Variants in TOM1L1 observed in about 807,000 individuals in gnomAD.
TOM1L1 encodes the protein TOM1-like protein 1.
TOM1L1 carries 64 observed loss-of-function variants against 63.4 expected under a neutral mutation model. That is an observed-to-expected ratio of 1.01 (90% CI 0.83 to 1.24). The LOEUF (loss-of-function observed/expected upper bound fraction) is 1.24, where lower values mean the gene tolerates loss of function less well. Among genes scored for constraint, TOM1L1 ranks in the 50% most tolerant of loss-of-function variants. The pLI is 0.00. For missense variants in TOM1L1, 536 were observed against 567.0 expected (o/e 0.95, Z 0.55); for synonymous variants, 166 against 194.4 (o/e 0.85, Z 1.22).
intron 7 of TOM1L1, chr17:54,916,088 A>G (rs757830087): frequency 3.4e-4 from 166 of 488,212 alleles, no homozygotes; most frequent in Admixed American, 5.4e-4. Flanking sequence ...AATTTATTAT[A>G]AGTTATAACC....
intron 6 of TOM1L1, 37 bp from the exon 7 acceptor site, chr17:54,915,709 G>T (rs749961406): frequency 4.2e-6 from 6 of 1,437,330 alleles, no homozygotes; most frequent in South Asian, 1.4e-5. Context: ...TATTCTTTGT[G>T]TGTCGCACTG....
At chr17:54,955,613 G>A (rs2049460479) in intron 14 of TOM1L1, among the ~76,000 whole-genome samples, 1 of 151,968 alleles carries the variant, frequency 6.6e-6, no homozygotes, top group Non-Finnish European at 1.5e-5. Context: ...ACCACGTAGG[G>A]AACAAAGCCT....
chr17:54,960,218 A>G (rs1004361294), intron 14 of TOM1L1, among the ~76,000 whole-genome samples: 1 of 152,044 alleles, frequency 6.6e-6, no homozygotes, highest in African/African-American at 2.4e-5. Context: ...CAAAAAAATT[A>G]GCTGGGCATG....
chr17:54,902,957 T>C (rs1219918008), intron 1 of TOM1L1, among the ~76,000 whole-genome samples: 2 of 152,218 alleles, frequency 1.3e-5, no homozygotes, highest in African/African-American at 2.4e-5. Flanking sequence ...CAGTTTGAAA[T>C]AATTAAGGCT....
chr17:54,912,054 AT>A (rs1406986066), intron 3 of TOM1L1, among the ~76,000 whole-genome samples: 1 of 151,952 alleles, frequency 6.6e-6, no homozygotes, highest in African/African-American at 2.4e-5. Flanking sequence ...TAACTTACCC[AT>A]TTTTCCACAT....
intron 3 of TOM1L1, among the ~76,000 whole-genome samples, chr17:54,908,814 C>T (rs1433453255): frequency 6.6e-6 from 1 of 152,224 alleles, no homozygotes; most frequent in African/African-American, 2.4e-5. Flanking sequence ...AGTGGTCGAA[C>T]AGGTTCCTGA....
intron 14 of TOM1L1, among the ~76,000 whole-genome samples, chr17:54,950,900 G>A (rs2049215070): frequency 6.6e-6 from 1 of 152,148 alleles, no homozygotes; most frequent in Admixed American, 6.5e-5. Context: ...GACTTCTGTG[G>A]CCCCCAAATA....
intron 3 of TOM1L1, among the ~76,000 whole-genome samples, chr17:54,908,770 C>T (rs2048451367): frequency 1.3e-5 from 2 of 152,124 alleles, no homozygotes; most frequent in African/African-American, 4.8e-5. Flanking sequence ...TGTGATAAAT[C>T]TCAGCAAGAG....
chr17:54,957,342 T>C (rs187055905), intron 14 of TOM1L1: 1 of 152,248 alleles, frequency 6.6e-6, no homozygotes, highest in African/African-American at 2.4e-5. Context: ...TTCTGCCTGA[T>C]AGAGTAGATA....
chr17:54,911,007 G>A (rs1191161213), intron 3 of TOM1L1, among the ~76,000 whole-genome samples: 1 of 152,152 alleles, frequency 6.6e-6, no homozygotes, highest in Non-Finnish European at 1.5e-5. Context: ...CTAATTTGAG[G>A]TGGTAGCATG....
rs536953667 is a variant in TOM1L1, at chr17:54,915,015, A to G, written c.603+272A>G. 3.3e-5 allele frequency among the ~76,000 whole-genome samples: 5 copies of G among 152,274 alleles called. No homozygotes were observed. The South Asian group carries it at 1.0e-3, about 32-fold the overall frequency. ...TGGCTTTCTGGAGCCTTGACTGTGGACTGGATCTAGGGTCCATCAGCTAAT... is the reference window on the plus strand; with the variant it reads ...TGGCTTTCTGGAGCCTTGACTGTGGGCTGGATCTAGGGTCCATCAGCTAAT... On this transcript the variant is annotated intron_variant, in intron 6 of 15. Transcript: ENST00000575882.
At chr17:54,928,327 C>G (rs553409579) in intron 7 of TOM1L1, among the ~76,000 whole-genome samples, 1 of 150,872 alleles carries the variant, frequency 6.6e-6, no homozygotes, top group Non-Finnish European at 1.5e-5. Context: ...AACAACCTTA[C>G]AAGATAGCTG....
chr17:54,941,881 A>G (rs1490805076), intron 11 of TOM1L1, among the ~76,000 whole-genome samples: 1 of 152,172 alleles, frequency 6.6e-6, no homozygotes, highest in Non-Finnish European at 1.5e-5. Flanking sequence ...GAACATCTAT[A>G]CCAAGATTCG....
chr17:54,903,705 C>A lies in TOM1L1; in HGVS notation c.59-3C>A, dbSNP rs1449015249. On this transcript the variant is annotated splice_polypyrimidine_tract_variant and splice_region_variant and intron_variant, in intron 1 of 15. Coordinates refer to ENST00000575882, the MANE Select transcript of TOM1L1 (RefSeq NM_005486.3). ...CTCAGACTCAACAGCTTTTTCTTGG[C>A]AGAAAAGGCTACATTTGCTGGAGTT... 6.2e-7 allele frequency: 1 copy of A among 1,613,556 alleles called. No individual in the cohort carries two copies. The highest frequency in any genetic ancestry group is 8.5e-7 in the Non-Finnish European group (1 of 1,179,502).
chr17:54,939,660 G>A (rs947013971), intron 11 of TOM1L1, among the ~76,000 whole-genome samples: 2 of 152,024 alleles, frequency 1.3e-5, no homozygotes, highest in East Asian at 3.9e-4. Context: ...TGGGCCCAAG[G>A]GATACTCCCA....
Position 54,950,105 on chromosome 17 carries a change from T to C in TOM1L1, c.1349T>C (p.Leu450Ser), listed in dbSNP as rs1318065113. 3 of 1,613,400 alleles carry C rather than the reference T, an allele frequency of 1.9e-6. No homozygotes were observed. The highest frequency in any genetic ancestry group is 2.5e-6 in the Non-Finnish European group (3 of 1,179,412). ...TACGAGGTAATGGAGTTTGATCCCT[T>C]AGCTCCTGCTGTCACTACAGAGTAA... is the stretch of plus-strand genomic sequence containing the variant. ...NYYEVMEFDPLAPAVTTEAIY... is the reference protein window; with the variant it reads ...NYYEVMEFDPSAPAVTTEAIY... Residue 450 changes from leucine (L) to serine (S), a missense_variant, in exon 14 of 16, where the codon TTA (leucine) becomes TCA (serine). Transcript: ENST00000575882.
At chr17:54,905,342 C>T in intron 2 of TOM1L1, 147 bp from the exon 3 acceptor site, 1 of 576,860 alleles carries the variant, frequency 1.7e-6, no homozygotes, top group Admixed American at 3.5e-5. Context: ...GAAGTTAAGT[C>T]ATTCGCATAG....
At chr17:54,949,994 G>A in intron 13 of TOM1L1, 51 bp from the exon 14 acceptor site, 1 of 1,382,474 alleles carries the variant, frequency 7.2e-7, no homozygotes, top group Non-Finnish European at 1.0e-6. Context: ...TCAATTGCGT[G>A]TACTCCTCAA....
At chr17:54,947,826 T>C (rs2049144982) in intron 12 of TOM1L1, among the ~76,000 whole-genome samples, 1 of 152,208 alleles carries the variant, frequency 6.6e-6, no homozygotes, top group South Asian at 2.1e-4. Flanking sequence ...CTGTGGTCTT[T>C]TGGTCTCATA....
Sources: gnomAD v4.1 joint callset for allele counts (sites outside exome capture counted in the v4.1 genomes callset) on GRCh38, gnomAD v4.1.1 for gene constraint, MANE v1.5 for transcripts, NCBI Gene and HGNC (gene_info 2026-07-23, HGNC 2026-07-21) for gene names.